Variants in SSC4D observed in about 807,000 individuals in gnomAD.
SSC4D encodes the protein scavenger receptor cysteine-rich domain-containing group B protein.
Under a neutral mutation model 63.4 loss-of-function variants are expected in SSC4D, and 57 were observed. The ratio of observed to expected loss-of-function variants is 0.90; its 90% CI spans 0.73 to 1.12. The LOEUF (loss-of-function observed/expected upper bound fraction) is 1.12. Among genes scored for constraint, SSC4D ranks in the 50% most tolerant of loss-of-function variants. The pLI, the probability that SSC4D is intolerant of heterozygous loss-of-function variation, is 0.00. For missense variants in SSC4D, 791 were observed against 806.4 expected (o/e 0.98, Z 0.23); for synonymous variants, 352 against 345.4 (o/e 1.02, Z -0.21).
At chr7:76,393,312 C>A (rs559267318) in intron 9 of SSC4D, 93 bp downstream of exon 9, 23 of 1,240,034 alleles carry the variant, frequency 1.9e-5, no homozygotes, top group African/African-American at 4.7e-5. Context: ...GCGGCAGTGC[C>A]GCAAGAGAGG....
chr7:76,404,557 C>T (rs1804938500), intron 1 of SSC4D, 52 bp from the exon 2 acceptor site: 3 of 1,501,222 alleles, frequency 2.0e-6, no homozygotes, highest in Middle Eastern at 2.2e-4. Flanking sequence ...TTTGGGAGGC[C>T]GAGGTGGGAG....
chr7:76,400,103 C>T (rs187762354), intron 4 of SSC4D, among the ~76,000 whole-genome samples, 183 bp downstream of exon 4: 20 of 152,300 alleles, frequency 1.3e-4, no homozygotes, highest in Non-Finnish European at 1.8e-4. Context: ...CAGGGTCAGG[C>T]AATGACCCAG....
Position 76,404,361 on chromosome 7 carries a change from C to T in SSC4D, c.79G>A (p.Ala27Thr), listed in dbSNP as rs770570125. The T allele has an allele frequency of 1.9e-6, 3 of 1,613,336 alleles. No individual in the cohort carries two copies. Among genetic ancestry groups the T allele is most frequent in the South Asian group, 1.1e-5 (1 of 91,032 alleles). Residue 27 changes from alanine (A) to threonine (T), a missense_variant, in exon 2 of 11, where the codon GCT becomes ACT. Physicochemically the swap from Ala to Thr is moderately conservative, Grantham distance 58 (BLOSUM62 0). Coordinates refer to ENST00000275560, the MANE Select transcript of SSC4D (RefSeq NM_080744.2). Reference protein sequence around the residue: ...RWGWRLGDGSAAPPFLPQALS... With the variant: ...RWGWRLGDGSTAPPFLPQALS... ...GCTTGGGGGAGGAAGGGAGGGGCAG[C>T]ACTCCCATCTCCCAACCTCCACCCC...
At chr7:76,409,333 A>AGT (rs1563689278) in intron 1 of SSC4D, 81 bp downstream of exon 1, 14 of 137,334 alleles carry the variant, frequency 1.0e-4, no homozygotes, top group African/African-American at 3.2e-4. Context: ...TCACACACAC[A>AGT]CACACACACA....
rs930308542 is a variant in SSC4D at position 76,389,772 on chromosome 7, T to C, written c.*287A>G. ...AAAAGAGCCCCACCAAACAGAAGAG[T>C]TAGGAATCATCCTCTTCCCCTCGTT... On this transcript the variant is annotated 3_prime_UTR_variant, in exon 11 of 11. Coordinates refer to ENST00000275560, the MANE Select transcript of SSC4D (RefSeq NM_080744.2). The C allele has an allele frequency of 8.8e-6, 4 of 453,716 alleles. No individual in the cohort carries two copies. Among genetic ancestry groups the C allele is most frequent in the Admixed American group, 3.8e-5 (1 of 26,568 alleles). The allele number at this position is 453,716 out of a possible 1,614,324, so 28.1% of individuals were successfully genotyped here. A position where few individuals can be genotyped will look rare whatever the true frequency, so the allele number is the denominator to read the frequency against.
In SSC4D at chr7:76,394,618, G is replaced by A. The variant is rs568018372; in HGVS notation, c.946+635C>T. 4.7e-5 allele frequency among the ~76,000 whole-genome samples: 7 copies of A among 148,840 alleles called. No individual in the cohort carries two copies. The East Asian group carries it at 1.4e-3, about 29-fold the overall frequency. Reference sequence around the variant, plus strand: ...AATTTTTGTATTTTTAGTAGGGATGGGATTTCACCATGTTGGCCAGGCTGG... The same window carrying A: ...AATTTTTGTATTTTTAGTAGGGATGAGATTTCACCATGTTGGCCAGGCTGG... On this transcript the variant is annotated intron_variant, in intron 7 of 10. Coordinates refer to ENST00000275560, the MANE Select transcript of SSC4D (RefSeq NM_080744.2).
At chr7:76,396,729 T>C (rs573794487) in intron 6 of SSC4D, among the ~76,000 whole-genome samples, 1 of 152,340 alleles carries the variant, frequency 6.6e-6, no homozygotes, top group Non-Finnish European at 1.5e-5. Context: ...TGCTATGAGT[T>C]ATGAGTTGTG....
chr7:76,400,914 G>A lies in SSC4D; in HGVS notation c.169+94C>T, dbSNP rs1804803131. ...GATGGGGGCATCTAGAGTCAAGGGG[G>A]GCTGGTTAGTCATCACTTCCTGTGG... On this transcript the variant is annotated intron_variant, in intron 3 of 10. Coordinates refer to ENST00000275560, the MANE Select transcript of SSC4D (RefSeq NM_080744.2). 6 of 1,490,718 alleles carry A rather than the reference G, an allele frequency of 4.0e-6. No individual in the cohort carries two copies. In the Admixed American group the frequency reaches 9.9e-5, roughly 25 times the overall value. 92.3% of individuals were successfully genotyped at this position (1,490,718 alleles called of 1,614,324 possible).
At position 76,401,014 on chromosome 7, in the gene SSC4D, A is replaced by AG; in HGVS notation, c.162dup (p.Phe55LeufsTer30). 6.5e-7 allele frequency: 1 copy of AG among 1,550,386 alleles called. No individual in the cohort carries two copies. ...GGCGGGGTGGGGCACCTACCTTGAA[A>AG]GGGCAGTGGAGTGGGCTGTAGGGCG... On this transcript the variant is annotated frameshift_variant, in exon 3 of 11. Transcript: ENST00000275560. LOFTEE classifies it high-confidence loss of function.
At chr7:76,400,704 C>T in intron 3 of SSC4D, 113 bp from the exon 4 acceptor site, 1 of 1,215,168 alleles carries the variant, frequency 8.2e-7, no homozygotes, top group South Asian at 1.7e-5. Context: ...GACGGGGTCT[C>T]ACTATGTTGC....
At chr7:76,394,099 A>T (rs1314022279) in intron 7 of SSC4D, among the ~76,000 whole-genome samples, 195 bp from the exon 8 acceptor site, 2 of 152,062 alleles carry the variant, frequency 1.3e-5, no homozygotes, top group African/African-American at 2.4e-5. Flanking sequence ...ACCGAAAGCT[A>T]ATTCTAGGTA....
At position 76,393,735 on chromosome 7, in the gene SSC4D, C is replaced by G; in HGVS notation, c.1022-19G>C. The G allele has an allele frequency of 7.8e-6, 11 of 1,415,178 alleles. No individual in the cohort carries two copies. The highest frequency in any genetic ancestry group is 1.0e-5 in the Non-Finnish European group (11 of 1,089,466). 87.7% of individuals were successfully genotyped at this position (1,415,178 alleles called of 1,614,324 possible). ...CGTCCACCTGCGGGGCGCACAGGCC[C>G]GCGGCCAGAGGGGCTGGGCTGGGGC... On this transcript the variant is annotated intron_variant, in intron 8 of 10. Transcript: ENST00000275560.
rs367656779 is a variant in SSC4D at position 76,400,343 on chromosome 7, G to A, written c.418C>T (p.Arg140Cys). ...QEAALSECGS[R>C]GWGVHNCFHY... ...AAGCAATTGTGGACGCCCCAGCCGC[G>A]GCTGCCGCACTCGCTCAGCGCAGCT... The change falls in exon 4 of 11, where the codon CGC becomes TGC. Residue 140 changes from arginine to cysteine, a missense_variant. Transcript: ENST00000275560. The A allele has an allele frequency of 5.9e-6, 9 of 1,525,182 alleles. No individual in the cohort carries two copies. The highest frequency in any genetic ancestry group is 1.8e-4 in the Middle Eastern group (1 of 5,698). 94.5% of individuals were successfully genotyped at this position (1,525,182 alleles called of 1,614,324 possible).
At chr7:76,403,444 TCTC>T (rs1182777787) in intron 2 of SSC4D, among the ~76,000 whole-genome samples, 7 of 150,838 alleles carry the variant, frequency 4.6e-5, no homozygotes, top group Non-Finnish European at 8.9e-5. Context: ...TTCAAACAAT[TCTC>T]CTGCCTCAGC....
intron 10 of SSC4D, 57 bp downstream of exon 10, chr7:76,391,907 C>A: frequency 6.6e-7 from 1 of 1,523,798 alleles, no homozygotes; most frequent in South Asian, 1.2e-5. Context: ...CTCCCCCAAT[C>A]CAGGTCCTTA....
chr7:76,408,531 C>G (rs1402328155), intron 1 of SSC4D, among the ~76,000 whole-genome samples: 1 of 152,170 alleles, frequency 6.6e-6, no homozygotes, highest in African/African-American at 2.4e-5. Context: ...AGCCCCCACC[C>G]TGGGGACAGG....
At chr7:76,398,512 C>A (rs989094658) in intron 5 of SSC4D, among the ~76,000 whole-genome samples, 1 of 152,106 alleles carries the variant, frequency 6.6e-6, no homozygotes, top group Non-Finnish European at 1.5e-5. Context: ...ACCATGTTGG[C>A]CAGTCTGGTC....
chr7:76,405,294 TATATATATATATATATATA>T lies in SSC4D; in HGVS notation c.-66-808_-66-790del, dbSNP rs1458262368. On this transcript the variant is annotated intron_variant, in intron 1 of 10. Transcript: ENST00000275560. ...AATTATATATATATATATATATATA[TATATATATATATATATATA>T]TATGTATTTTTTTCTTTCTTTCTTT... Among the ~76,000 whole-genome samples the T allele has an allele frequency of 1.4e-3, 76 of 53,092 alleles. 1 individual carries two copies. The highest frequency in any genetic ancestry group is 5.8e-3 in the African/African-American group (72 of 12,438). 34.8% of individuals were successfully genotyped at this position (53,092 alleles called of 152,430 possible). A position where few individuals can be genotyped will look rare whatever the true frequency, so the allele number is the denominator to read the frequency against.
intron 2 of SSC4D, among the ~76,000 whole-genome samples, chr7:76,402,671 CTTTTTTG>C (rs1036126868): frequency 6.6e-6 from 1 of 151,668 alleles, no homozygotes; most frequent in African/African-American, 2.4e-5. Flanking sequence ...TTCTTTTTTT[CTTTTTTG>C]TTTTTCTTGA....
Sources: allele counts gnomAD v4.1 joint callset (sites outside exome capture counted in the v4.1 genomes callset), GRCh38; gene constraint gnomAD v4.1.1; transcripts MANE v1.5; gene names NCBI Gene and HGNC (gene_info 2026-07-23, HGNC 2026-07-21).